The following MAGI1 variants were observed in gnomAD, a reference collection of about 807,000 sequenced individuals.
The protein encoded by MAGI1 is membrane associated guanylate kinase, WW and PDZ domain containing 1, also known as membrane-associated guanylate kinase, WW and PDZ domain-containing protein 1.
Under a neutral mutation model 139.9 loss-of-function variants are expected in MAGI1, and 58 were observed. The ratio of observed to expected loss-of-function variants is 0.41; its 90% confidence interval spans 0.34 to 0.52. The LOEUF (loss-of-function observed/expected upper bound fraction) is 0.52, where lower values mean the gene tolerates loss of function less well. Ranked by LOEUF, MAGI1 falls within the 20% of genes least tolerant of loss-of-function variation. MAGI1 has a pLI of 0.12. For synonymous variants in MAGI1, 812 were observed against 737.9 expected, an observed-to-expected ratio of 1.10 and a Z score of -1.63; for missense variants, 1,874 against 1,901.6, an observed-to-expected ratio of 0.99 and a Z score of 0.27.
At chr3:65,912,714 A>G (rs1281608889) in intron 1 of MAGI1, among the ~76,000 whole-genome samples, 2 of 152,172 alleles carry the variant, frequency 1.3e-5, no homozygotes, top group African/African-American at 4.8e-5. Flanking sequence ...TTACCTTAGA[A>G]GATTATTATG....
chr3:65,526,680 C>A (rs2078394965), intron 2 of MAGI1, among the ~76,000 whole-genome samples: 1 of 152,206 alleles, frequency 6.6e-6, no homozygotes, highest in African/African-American at 2.4e-5. Flanking sequence ...ACCTTCTCAT[C>A]ACTTTAAATA....
rs533222774 is a variant in MAGI1, at chr3:65,734,760, T to C, written c.314-112672A>G. ...CTAACAATAAGCGAGTCCTCTTGAA[T>C]GTGTGTATGGATTTATTATAAATTT... On this transcript the variant is annotated intron_variant, in intron 1 of 22. Coordinates refer to ENST00000402939, the MANE Select transcript of MAGI1 (RefSeq NM_001033057.2). Among the ~76,000 whole-genome samples, 3 of 151,834 alleles carry C rather than the reference T, an allele frequency of 2.0e-5. No individual in the cohort carries two copies. In the South Asian group the frequency reaches 6.2e-4, roughly 32 times the overall value.
chr3:66,022,997 T>C (rs1223821889), intron 1 of MAGI1, among the ~76,000 whole-genome samples: 1 of 152,128 alleles, frequency 6.6e-6, no homozygotes, highest in African/African-American at 2.4e-5. Flanking sequence ...TTGTGCCACA[T>C]TATCCTTGAG....
At chr3:65,609,826 C>A in intron 2 of MAGI1, 1 of 281,818 alleles carries the variant, frequency 3.5e-6, no homozygotes, top group East Asian at 1.3e-4. Context: ...ATCTGCTCAT[C>A]TTGGCTTCCC....
rs115857578 is a variant in MAGI1, at chr3:65,497,456, G to A, written c.431-3825C>T. On this transcript the variant is annotated intron_variant, in intron 2 of 22. Transcript: ENST00000402939. ...AGTCTACATCACACTGGGAATTCCA[G>A]TGCAGTGCAAGAATAGAATCTCTTT... Among the ~76,000 whole-genome samples, 142 of 152,270 alleles carry A rather than the reference G, an allele frequency of 9.3e-4. 1 individual carries two copies. Among genetic ancestry groups the A allele is most frequent in the South Asian group, 2.7e-3 (13 of 4,820 alleles).
rs756151040 is a variant in MAGI1 at position 65,379,463 on chromosome 3, C to A, written c.2793G>T (p.Pro931=). The change falls in exon 17 of 23, where the codon CCG becomes CCT. Residue 931 remains proline (P), a synonymous_variant. Transcript: ENST00000402939. ...PASLTEEKRT[P]QGSQNSLNTV... Reference sequence around the variant, plus strand: ...TGTTCAGCGAGTTCTGGCTGCCCTGCGGAGTGCGCTTCTCTTCTGTCAGCG... The same window carrying A: ...TGTTCAGCGAGTTCTGGCTGCCCTGAGGAGTGCGCTTCTCTTCTGTCAGCG... 3 of 1,614,054 alleles carry A rather than the reference C, an allele frequency of 1.9e-6. No homozygotes were observed. Among genetic ancestry groups the A allele is most frequent in the Admixed American group, 1.7e-5 (1 of 60,022 alleles).
chr3:65,728,781 C>G (rs1202999087), intron 1 of MAGI1, among the ~76,000 whole-genome samples: 1 of 151,870 alleles, frequency 6.6e-6, no homozygotes, highest in Non-Finnish European at 1.5e-5. Flanking sequence ...TTTAAAAAAT[C>G]TTAAAGGAAC....
At chr3:65,733,314 C>G (rs189274927) in intron 1 of MAGI1, among the ~76,000 whole-genome samples, 1 of 152,282 alleles carries the variant, frequency 6.6e-6, no homozygotes, top group East Asian at 1.9e-4. Flanking sequence ...CCCACCTCAG[C>G]CTCCCAAAGT....
rs145803116 is a variant in MAGI1, at chr3:65,471,664, A to T, written c.758-1180T>A. 3.7e-3 allele frequency among the ~76,000 whole-genome samples: 559 copies of T among 152,234 alleles called. 2 individuals carry two copies. The highest frequency in any genetic ancestry group is 0.013 in the African/African-American group (520 of 41,536). ...GTGCCCCTCCCCACTCCAGGTCCAC[A>T]TGGTCCAGGACGGGACCTACTCCTG... On this transcript the variant is annotated intron_variant, in intron 4 of 22. Coordinates refer to ENST00000402939, the MANE Select transcript of MAGI1 (RefSeq NM_001033057.2).
At chr3:65,433,955 A>G (rs1947652384) in intron 10 of MAGI1, among the ~76,000 whole-genome samples, 1 of 152,176 alleles carries the variant, frequency 6.6e-6, no homozygotes, top group Non-Finnish European at 1.5e-5. Flanking sequence ...AAATATGGCT[A>G]GTGAGACAGA....
intron 1 of MAGI1, among the ~76,000 whole-genome samples, chr3:66,036,435 TAACTC>T (rs1263196288): frequency 6.6e-6 from 1 of 152,142 alleles, no homozygotes; most frequent in Non-Finnish European, 1.5e-5. Context: ...AATGAGGACC[TAACTC>T]AGAGTTCAGA....
chr3:65,911,876 C>G (rs375139292), intron 1 of MAGI1, among the ~76,000 whole-genome samples: 1 of 152,088 alleles, frequency 6.6e-6, no homozygotes, highest in Non-Finnish European at 1.5e-5. Flanking sequence ...GCTTCCTGTT[C>G]GTTACTGCAT....
At chr3:65,631,009 G>T (rs149462745) in intron 1 of MAGI1, among the ~76,000 whole-genome samples, 1 of 152,234 alleles carries the variant, frequency 6.6e-6, no homozygotes, top group Non-Finnish European at 1.5e-5. Context: ...AAATATCAAC[G>T]TTTCTTTTGC....
chr3:65,951,015 GGAAGGAAGGAAGGA>G lies in MAGI1; in HGVS notation c.313+86967_313+86980del, dbSNP rs2063823415. Among the ~76,000 whole-genome samples the G allele has an allele frequency of 3.3e-5, 4 of 122,360 alleles. 1 individual carries two copies. The highest frequency in any genetic ancestry group is 7.4e-5 in the Non-Finnish European group (4 of 53,780). The allele number at this position is 122,360 out of a possible 152,430, so 80.3% of individuals were successfully genotyped here. On this transcript the variant is annotated intron_variant, in intron 1 of 22. Coordinates refer to ENST00000402939, the MANE Select transcript of MAGI1 (RefSeq NM_001033057.2). ...AGGAAGGAAGGAAGGAAGGAAGGAAGGAAGGAAGGAAGGAAGGAAGGAAAGGAGGGAGGGAGGGA... is the reference window on the plus strand; with the variant it reads ...AGGAAGGAAGGAAGGAAGGAAGGAAGAGGAAGGAAAGGAGGGAGGGAGGGA...
chr3:66,005,072 T>A (rs1042798539), intron 1 of MAGI1, among the ~76,000 whole-genome samples: 1 of 152,214 alleles, frequency 6.6e-6, no homozygotes, highest in Admixed American at 6.5e-5. Flanking sequence ...GACATCAAGA[T>A]AAAATCTATG....
chr3:65,969,574 GGCTGAATAACT>G (rs2064924673), intron 1 of MAGI1, among the ~76,000 whole-genome samples: 1 of 152,102 alleles, frequency 6.6e-6, no homozygotes, highest in Non-Finnish European at 1.5e-5. Context: ...GCTCAAATGT[GGCTGAATAACT>G]AGAGCACGCT....
Position 66,038,700 on chromosome 3 carries a change from C to T in MAGI1, c.-392G>A, listed in dbSNP as rs2069071034. The stretch of plus-strand genomic sequence containing the variant: ...TCCTCTTTGCCTCCCGCCCGGCTCG[C>T]CTCTCCTCGCTGGCAGGCTGTTACT... On this transcript the variant is annotated 5_prime_UTR_variant, in exon 1 of 23. Transcript: ENST00000402939. The T allele has an allele frequency of 5.7e-6, 1 of 175,996 alleles. No individual in the cohort carries two copies. Among genetic ancestry groups the T allele is most frequent in the Admixed American group, 5.8e-5 (1 of 17,170 alleles). 10.9% of individuals were successfully genotyped at this position (175,996 alleles called of 1,614,324 possible).
intron 17 of MAGI1, among the ~76,000 whole-genome samples, chr3:65,376,291 T>C (rs1383623845): frequency 1.3e-5 from 2 of 152,224 alleles, no homozygotes; most frequent in African/African-American, 4.8e-5. Flanking sequence ...TGTTCGCTTA[T>C]TTTGGGACTG....
chr3:65,488,643 C>A (rs182195368), intron 3 of MAGI1, among the ~76,000 whole-genome samples: 16 of 151,374 alleles, frequency 1.1e-4, no homozygotes, highest in African/African-American at 3.6e-4. Context: ...ACCCGGCCTA[C>A]TCATCACTTT....
Sources: gnomAD v4.1 joint callset for allele counts (sites outside exome capture counted in the v4.1 genomes callset) on GRCh38, gnomAD v4.1.1 for gene constraint, MANE v1.5 for transcripts, NCBI Gene and HGNC (gene_info 2026-07-23, HGNC 2026-07-21) for gene names.